The following SEMA5B variants were observed in gnomAD, a reference collection of about 807,000 sequenced individuals.
SEMA5B encodes semaphorin 5B.
A neutral mutation model predicts 135.0 loss-of-function variants in SEMA5B; 66 were observed. That is an observed-to-expected ratio of 0.49 (90% CI 0.40 to 0.60). The LOEUF (loss-of-function observed/expected upper bound fraction) is 0.60. Ranked by LOEUF, SEMA5B falls within the 20% of genes least tolerant of loss-of-function variation. SEMA5B has a pLI of 0.00. For missense variants in SEMA5B, 1,501 were observed against 1,566.3 expected (o/e 0.96, Z 0.70); for synonymous variants, 690 against 639.5 (o/e 1.08, Z -1.19).
intron 1 of SEMA5B, among the ~76,000 whole-genome samples, chr3:122,970,456 C>G (rs1463204166): frequency 6.6e-6 from 1 of 152,154 alleles, no homozygotes; most frequent in African/African-American, 2.4e-5. Context: ...CTAGCAAGTT[C>G]CCAGGTGATG....
At chr3:122,925,356 G>A (rs928968826) in intron 9 of SEMA5B, among the ~76,000 whole-genome samples, 7 of 147,582 alleles carry the variant, frequency 4.7e-5, no homozygotes, top group Admixed American at 2.1e-4. Context: ...AAACACTAAC[G>A]ATAGCTGATG....
intron 1 of SEMA5B, among the ~76,000 whole-genome samples, chr3:122,966,593 C>T (rs1038825604): frequency 6.7e-6 from 1 of 149,384 alleles, no homozygotes; most frequent in Non-Finnish European, 1.5e-5. Context: ...CTCGCTCTAT[C>T]ACCCAGGCTG....
intron 1 of SEMA5B, among the ~76,000 whole-genome samples, chr3:123,005,404 C>G (rs2107773671): frequency 6.6e-6 from 1 of 152,244 alleles, no homozygotes; most frequent in East Asian, 1.9e-4. Flanking sequence ...CTCTGTTGCC[C>G]AGACTGGAGT....
At chr3:122,983,322 T>C (rs1419044868) in intron 1 of SEMA5B, among the ~76,000 whole-genome samples, 1 of 152,280 alleles carries the variant, frequency 6.6e-6, no homozygotes, top group East Asian at 1.9e-4. Context: ...TTTCTAGTAT[T>C]CTAAAATCCT....
At chr3:122,986,611 G>GTC (rs1334985532) in intron 1 of SEMA5B, among the ~76,000 whole-genome samples, 15 of 151,724 alleles carry the variant, frequency 9.9e-5, no homozygotes, top group Non-Finnish European at 2.2e-4. Context: ...GTGTGTGTGT[G>GTC]TGTGTGTGTG....
chr3:123,017,106 G>A (rs1207126123), intron 1 of SEMA5B, among the ~76,000 whole-genome samples: 1 of 151,558 alleles, frequency 6.6e-6, no homozygotes, highest in Non-Finnish European at 1.5e-5. Flanking sequence ...AGCCAGGATG[G>A]TCTTGATATC....
intron 17 of SEMA5B, 33 bp downstream of exon 17, chr3:122,913,166 G>A: frequency 6.6e-7 from 1 of 1,513,450 alleles, no homozygotes; most frequent in Non-Finnish European, 8.8e-7. Flanking sequence ...GGGGCTGGGA[G>A]AGAGGAAGGA....
In SEMA5B at chr3:122,911,023, C is replaced by T. The variant is rs370831908; in HGVS notation, c.3114G>A (p.Val1038=). 114 of 1,613,362 alleles carry T rather than the reference C, an allele frequency of 7.1e-5. No individual in the cohort carries two copies. Among genetic ancestry groups the T allele is most frequent in the Non-Finnish European group, 9.2e-5 (109 of 1,179,690 alleles). Residue 1038 remains valine (V), a synonymous_variant, in exon 22 of 23, where the codon GTG becomes GTA. Transcript: ENST00000357599. ...DCAGFNLIHL[V]ATGISCFLGS... ...CCAAGAAGCAGGAGATGCCCGTGGC[C>T]ACCAAGTGGATGAGATTGAACCCTA... is the stretch of plus-strand genomic sequence containing the variant.
chr3:122,934,764 C>T lies in SEMA5B; in HGVS notation c.474+4661G>A, dbSNP rs191386386. On this transcript the variant is annotated intron_variant, in intron 5 of 22. Coordinates refer to ENST00000357599, the MANE Select transcript of SEMA5B (RefSeq NM_001031702.4). ...GGTATGGTGGCTTATACCTGTAATC[C>T]GAGCACTTTGGGAGGCTGAGGCAGC... 3.3e-5 allele frequency among the ~76,000 whole-genome samples: 5 copies of T among 151,340 alleles called. No individual in the cohort carries two copies. In the South Asian group the frequency reaches 6.3e-4, roughly 19 times the overall value.
rs376353350 is a variant in SEMA5B at position 122,913,536 on chromosome 3, C to T, written c.2278G>A (p.Val760Met). 1.2e-6 allele frequency: 2 copies of T among 1,610,812 alleles called. No homozygotes were observed. The highest frequency in any genetic ancestry group is 1.7e-6 in the Non-Finnish European group (2 of 1,179,350). ...TGGCCCACGGCCCCAACCCTCACCA[C>T]GCCGCAGCCCAGGCAGGAGTTGCCG... Reference protein sequence around the residue: ...ENGNSCLGCGVEFKTCNPEGC... With the variant: ...ENGNSCLGCGMEFKTCNPEGC... Residue 760 changes from valine (V) to methionine (M), a missense_variant and splice_region_variant, in exon 16 of 23, where the codon GTG (valine) becomes ATG (methionine). Coordinates refer to ENST00000357599, the MANE Select transcript of SEMA5B (RefSeq NM_001031702.4).
Position 122,912,817 on chromosome 3 carries a change from C to T in SEMA5B, c.2725+26G>A, listed in dbSNP as rs968192286. 3.3e-6 allele frequency: 5 copies of T among 1,524,104 alleles called. No homozygotes were observed. The African/African-American group carries it at 7.0e-5, about 21-fold the overall frequency. The allele number at this position is 1,524,104 out of a possible 1,614,324, so 94.4% of individuals were successfully genotyped here. On this transcript the variant is annotated intron_variant, in intron 18 of 22. Coordinates refer to ENST00000357599, the MANE Select transcript of SEMA5B (RefSeq NM_001031702.4). ...CCAGGATGACAGGGTTTCGCTAGGC[C>T]AAGGATTCCTTCCGTGCAGGGTTAC... is the stretch of plus-strand genomic sequence containing the variant.
intron 1 of SEMA5B, among the ~76,000 whole-genome samples, chr3:123,011,418 C>A (rs1017658086): frequency 1.3e-5 from 2 of 152,182 alleles, no homozygotes; most frequent in African/African-American, 4.8e-5. Context: ...GTGGGGCAGC[C>A]GGGGCTCGTC....
intron 1 of SEMA5B, among the ~76,000 whole-genome samples, chr3:122,981,601 GA>G (rs1941522862): frequency 6.6e-6 from 1 of 152,198 alleles, no homozygotes; most frequent in Non-Finnish European, 1.5e-5. Flanking sequence ...ACAGCACACC[GA>G]GGACAAAGCA....
At chr3:122,933,927 A>G (rs1939114065) in intron 5 of SEMA5B, among the ~76,000 whole-genome samples, 1 of 150,548 alleles carries the variant, frequency 6.6e-6, no homozygotes, top group Non-Finnish European at 1.5e-5. Context: ...TTTTTCTTTG[A>G]GACAGACTTT....
rs1003043012 is a variant in SEMA5B at position 123,027,703 on chromosome 3, TCTGGCACCAACCCCCG to T, written c.-294_-279del. On this transcript the variant is annotated 5_prime_UTR_variant, in exon 1 of 23. Coordinates refer to ENST00000357599, the MANE Select transcript of SEMA5B (RefSeq NM_001031702.4). The stretch of plus-strand genomic sequence containing the variant: ...CCCGCCCGGCTCGGCGGAGCTGGGC[TCTGGCACCAACCCCCG>T]CGCTCCAACTAGCTCCCGACCCGGC... 5 of 152,086 alleles carry T rather than the reference TCTGGCACCAACCCCCG, an allele frequency of 3.3e-5. No homozygotes were observed. The highest frequency in any genetic ancestry group is 9.7e-5 in the African/African-American group (4 of 41,394). 9.4% of individuals were successfully genotyped at this position (152,086 alleles called of 1,614,324 possible). A position where few individuals can be genotyped will look rare whatever the true frequency, so the allele number is the denominator to read the frequency against.
At chr3:122,968,839 T>C (rs1315061067) in intron 1 of SEMA5B, among the ~76,000 whole-genome samples, 1 of 152,212 alleles carries the variant, frequency 6.6e-6, no homozygotes, top group Non-Finnish European at 1.5e-5. Context: ...AGGGTCCTAA[T>C]AAAGGCTATG....
At chr3:122,968,666 C>T (rs1268664072) in intron 1 of SEMA5B, among the ~76,000 whole-genome samples, 1 of 152,196 alleles carries the variant, frequency 6.6e-6, no homozygotes, top group Non-Finnish European at 1.5e-5. Context: ...CTGTGGGCAT[C>T]TGAGGTCATC....
chr3:122,943,631 G>T, intron 3 of SEMA5B, 96 bp from the exon 4 acceptor site: 1 of 924,760 alleles, frequency 1.1e-6, no homozygotes. Context: ...AAAGTCAGGG[G>T]GAAGTGGGGC....
chr3:122,948,455 C>T, intron 3 of SEMA5B, 51 bp downstream of exon 3: 1 of 1,511,242 alleles, frequency 6.6e-7, no homozygotes, highest in Non-Finnish European at 9.0e-7. Context: ...GACCTAAGTC[C>T]TTCAGGACAC....
Sources: gnomAD v4.1 joint callset for allele counts (sites outside exome capture counted in the v4.1 genomes callset) on GRCh38, gnomAD v4.1.1 for gene constraint, MANE v1.5 for transcripts, NCBI Gene and HGNC (gene_info 2026-07-23, HGNC 2026-07-21) for gene names.